ACOXL: variants seen among roughly 807,000 people sequenced by gnomAD.
ACOXL encodes acyl-CoA oxidase like.
A neutral mutation model predicts 71.9 loss-of-function variants in ACOXL; 70 were observed. That is an observed-to-expected ratio of 0.97 (90% CI 0.80 to 1.19). The LOEUF (loss-of-function observed/expected upper bound fraction) is 1.19, where lower values mean the gene tolerates loss of function less well. ACOXL is among the 50% of genes most tolerant of loss of function. The pLI, the probability that ACOXL is intolerant of heterozygous loss-of-function variation, is 0.00. For synonymous variants in ACOXL, 253 were observed against 281.6 expected (o/e 0.90, Z 1.02); for missense variants, 703 against 736.3 (o/e 0.95, Z 0.52).
At chr2:110,972,891 C>T (rs1192817325) in intron 12 of ACOXL, among the ~76,000 whole-genome samples, 3 of 152,144 alleles carry the variant, frequency 2.0e-5, no homozygotes, top group Non-Finnish European at 4.4e-5. Context: ...ATGTAGACAC[C>T]CTCTGCCTAG....
chr2:111,012,460 G>C (rs1412082924), intron 14 of ACOXL, among the ~76,000 whole-genome samples: 1 of 152,196 alleles, frequency 6.6e-6, no homozygotes, highest in Non-Finnish European at 1.5e-5. Context: ...TGCCTGTATA[G>C]AAGATGTGAA....
At chr2:111,067,246 CA>C (rs2067116850) in intron 16 of ACOXL, among the ~76,000 whole-genome samples, 1 of 152,058 alleles carries the variant, frequency 6.6e-6, no homozygotes, top group African/African-American at 2.4e-5. Flanking sequence ...TTTTAAAACT[CA>C]TATTTGATCA....
At chr2:110,936,363 T>G (rs2060662699) in intron 12 of ACOXL, among the ~76,000 whole-genome samples, 1 of 152,124 alleles carries the variant, frequency 6.6e-6, no homozygotes, top group Admixed American at 6.6e-5. Flanking sequence ...ACTCCTGGGC[T>G]CAAGCAATCC....
chr2:110,940,123 C>T lies in ACOXL; in HGVS notation c.1059+6481C>T, dbSNP rs573495016. 2.4e-4 allele frequency among the ~76,000 whole-genome samples: 36 copies of T among 152,280 alleles called. No homozygotes were observed. In the South Asian group the frequency reaches 5.2e-3, roughly 22 times the overall value. ...AAAAAGGAATTTTATGAAACAGTACCGGCCTCACTATTGTGAGGTGCTCTC... is the reference window on the plus strand; with the variant it reads ...AAAAAGGAATTTTATGAAACAGTACTGGCCTCACTATTGTGAGGTGCTCTC... On this transcript the variant is annotated intron_variant, in intron 12 of 17. Coordinates refer to ENST00000439055, the MANE Select transcript of ACOXL (RefSeq NM_001142807.4).
intron 1 of ACOXL, among the ~76,000 whole-genome samples, chr2:110,738,533 A>G (rs1000543039): frequency 2.0e-5 from 3 of 152,224 alleles, no homozygotes; most frequent in African/African-American, 7.2e-5. Context: ...TGCATGCCAT[A>G]ACTTTCCAAT....
chr2:110,785,501 C>G (rs535390960), intron 3 of ACOXL, among the ~76,000 whole-genome samples: 36 of 151,830 alleles, frequency 2.4e-4, no homozygotes, highest in Middle Eastern at 3.4e-3. Context: ...GGGTCCTACC[C>G]GGAAGTTTCA....
At chr2:110,773,393 T>G (rs1013812758) in intron 2 of ACOXL, among the ~76,000 whole-genome samples, 1 of 152,172 alleles carries the variant, frequency 6.6e-6, no homozygotes, top group Non-Finnish European at 1.5e-5. Flanking sequence ...GCGTTTACAT[T>G]TAAGCCCTGA....
Position 111,013,892 on chromosome 2 carries a change from A to G in ACOXL, c.1282-17735A>G, listed in dbSNP as rs531076129. 2.0e-5 allele frequency among the ~76,000 whole-genome samples: 3 copies of G among 152,374 alleles called. No individual in the cohort carries two copies. The East Asian group carries it at 5.8e-4, about 29-fold the overall frequency. On this transcript the variant is annotated intron_variant, in intron 14 of 17. Transcript: ENST00000439055. ...GTGAAAATACATAATAGAATACATC[A>G]TAACAAAGTAGTGTTTATTATAAGA...
At chr2:111,085,628 A>G (rs1003434556) in intron 16 of ACOXL, among the ~76,000 whole-genome samples, 3 of 152,156 alleles carry the variant, frequency 2.0e-5, no homozygotes, top group African/African-American at 7.2e-5. Flanking sequence ...ACAAAGTTGG[A>G]AAGATCTGAA....
At chr2:110,804,794 G>T (rs1318800993) in intron 8 of ACOXL, among the ~76,000 whole-genome samples, 1 of 152,014 alleles carries the variant, frequency 6.6e-6, no homozygotes, top group Non-Finnish European at 1.5e-5. Flanking sequence ...ACCATAGAGA[G>T]AGAAAGTAGG....
intron 12 of ACOXL, among the ~76,000 whole-genome samples, chr2:110,979,917 C>T (rs2062628177): frequency 6.6e-6 from 1 of 152,106 alleles, no homozygotes; most frequent in Admixed American, 6.5e-5. Context: ...AAGGTAAGCA[C>T]ATAATTTGTT....
chr2:111,021,989 A>C (rs1427532530), intron 14 of ACOXL, among the ~76,000 whole-genome samples: 1 of 152,188 alleles, frequency 6.6e-6, no homozygotes, highest in Admixed American at 6.5e-5. Context: ...GACAGAACTC[A>C]TCTAGACCAG....
chr2:110,900,096 C>CACACACACACACACACAA (rs1266632028), intron 10 of ACOXL, among the ~76,000 whole-genome samples: 2 of 72,858 alleles, frequency 2.7e-5, no homozygotes, highest in African/African-American at 7.8e-5. Context: ...TACACACACA[C>CACACACACACACACACAA]ACACACACAC....
At chr2:110,937,889 G>A (rs1013585715) in intron 12 of ACOXL, among the ~76,000 whole-genome samples, 1 of 152,228 alleles carries the variant, frequency 6.6e-6, no homozygotes, top group Non-Finnish European at 1.5e-5. Flanking sequence ...GGTTGTGGGA[G>A]TTAAATTCTA....
chr2:110,985,643 C>T (rs903753613), intron 12 of ACOXL, among the ~76,000 whole-genome samples: 14 of 152,068 alleles, frequency 9.2e-5, no homozygotes, highest in African/African-American at 2.9e-4. Context: ...AAAGGAGAGG[C>T]GGCGGTGTCA....
At chr2:110,877,048 G>C (rs555591312) in intron 10 of ACOXL, among the ~76,000 whole-genome samples, 5 of 152,348 alleles carry the variant, frequency 3.3e-5, no homozygotes, top group Non-Finnish European at 7.3e-5. Context: ...TGGTGGCCCT[G>C]TTGCCCCCCA....
intron 2 of ACOXL, among the ~76,000 whole-genome samples, chr2:110,769,133 T>C (rs56177778): frequency 0.053 from 8,127 of 152,136 alleles, 342 homozygotes; most frequent in African/African-American, 0.11. Flanking sequence ...GCTTTTAAAG[T>C]ACTTTAGACT....
chr2:110,796,945 G>A (rs371891580), intron 5 of ACOXL, among the ~76,000 whole-genome samples: 2 of 152,194 alleles, frequency 1.3e-5, no homozygotes, highest in South Asian at 2.1e-4. Context: ...ATCTTTGCAC[G>A]ATCAATAGCT....
intron 16 of ACOXL, among the ~76,000 whole-genome samples, chr2:111,079,444 G>A (rs760538098): frequency 1.3e-5 from 2 of 152,108 alleles, no homozygotes; most frequent in Non-Finnish European, 1.5e-5. Context: ...TCAACATTTC[G>A]TAAACAACTT....
Sources: allele counts gnomAD v4.1 joint callset (sites outside exome capture counted in the v4.1 genomes callset), GRCh38; gene constraint gnomAD v4.1.1; transcripts MANE v1.5; gene names NCBI Gene and HGNC (gene_info 2026-07-23, HGNC 2026-07-21).